ATP1A2: variants seen among roughly 807,000 people sequenced by gnomAD.
ATP1A2 encodes ATPase Na+/K+ transporting subunit alpha 2.
Under a neutral mutation model 113.1 loss-of-function variants are expected in ATP1A2, and 56 were observed. The observed-to-expected ratio is 0.49, with a 90% CI of 0.40 to 0.62. ATP1A2 has a LOEUF of 0.62. ATP1A2 is among the 20% of genes least tolerant of loss of function. ATP1A2 has a pLI of 0.00. For missense variants in ATP1A2, 712 were observed against 1,357.8 expected (o/e 0.52, Z 7.47); for synonymous variants, 490 against 526.8 (o/e 0.93, Z 0.96).
chr1:160,135,160 C>A lies in ATP1A2; in HGVS notation c.1980C>A (p.Cys660Ter). 2.5e-6 allele frequency: 4 copies of A among 1,613,982 alleles called. No homozygotes were observed. Among genetic ancestry groups the A allele is most frequent in the Middle Eastern group, 1.6e-4 (1 of 6,062 alleles). ...CACCCTCCAGAGAAGCCAAGGCATG[C>A]GTGGTGCACGGCTCTGACCTGAAGG... ...SQVNPREAKA[C>*]VVHGSDLKDM... Residue 660 changes from cysteine (C) to a stop codon, truncating the protein, a stop_gained, in exon 15 of 23, where the codon TGC (cysteine) becomes TGA (stop). Coordinates refer to ENST00000361216, the MANE Select transcript of ATP1A2 (RefSeq NM_000702.4). LOFTEE classifies it high-confidence loss of function. This position sits in a 1 kb window ranked among gnomAD's most constrained non-coding sequence, Gnocchi z 6.3.
chr1:160,123,904 G>A (rs747041450), intron 4 of ATP1A2, 39 bp from the exon 5 acceptor site: 1 of 1,596,902 alleles, frequency 6.3e-7, no homozygotes, highest in Non-Finnish European at 8.6e-7. Context: ...TTAGGGTTGG[G>A]GGGAAGGTCA....
chr1:160,134,643 CT>C (rs1442567827), intron 14 of ATP1A2, 23 bp downstream of exon 14: 18 of 1,614,046 alleles, frequency 1.1e-5, no homozygotes, highest in Non-Finnish European at 1.4e-5. Context: ...CAGGAAGCCC[CT>C]GTGCCCTAAT....
In ATP1A2 at chr1:160,128,640, T is replaced by C. The variant is rs1237489560; in HGVS notation, c.1018-12T>C. 3 of 1,614,064 alleles carry C rather than the reference T, an allele frequency of 1.9e-6. No individual in the cohort carries two copies. The highest frequency in any genetic ancestry group is 1.6e-4 in the Middle Eastern group (1 of 6,084). On this transcript the variant is annotated splice_polypyrimidine_tract_variant and intron_variant, in intron 8 of 22. Coordinates refer to ENST00000361216, the MANE Select transcript of ATP1A2 (RefSeq NM_000702.4). The stretch of plus-strand genomic sequence containing the variant: ...AGCCTTAACCTTTTTTATTCTCCTC[T>C]TTCTCTACCAGGTGTGCCTGACCCT...
In ATP1A2 at chr1:160,116,549, C is replaced by A. The variant is rs1017444806; in HGVS notation, c.12+676C>A. On this transcript the variant is annotated intron_variant, in intron 1 of 22. Transcript: ENST00000361216. ...GAGGCTGGTGACAGGTGACCCCCCC[C>A]CCAGTCCACCCGTCCATGGCATTCT... 8.2e-3 allele frequency among the ~76,000 whole-genome samples: 1,243 copies of A among 152,160 alleles called. 19 individuals are homozygous for A. Among genetic ancestry groups the A allele is most frequent in the African/African-American group, 0.029 (1,191 of 41,510 alleles).
intron 1 of ATP1A2, among the ~76,000 whole-genome samples, chr1:160,120,323 T>G (rs1570982510): frequency 6.6e-6 from 1 of 152,246 alleles, no homozygotes; most frequent in East Asian, 1.9e-4. Context: ...CCATCAGGCC[T>G]GCTCTTTCCA....
chr1:160,126,382 G>T (rs780962440), intron 7 of ATP1A2, among the ~76,000 whole-genome samples: 1 of 152,022 alleles, frequency 6.6e-6, no homozygotes, highest in Non-Finnish European at 1.5e-5. Context: ...TCGATCTGAG[G>T]TTGGTTGAAT....
At chr1:160,119,256 CA>C (rs386368465) in intron 1 of ATP1A2, among the ~76,000 whole-genome samples, 27 of 49,426 alleles carry the variant, frequency 5.5e-4, no homozygotes, top group South Asian at 2.2e-3. Context: ...CATTATCCTG[CA>C]AAAAAAAAAA....
chr1:160,135,399 G>T lies in ATP1A2; in HGVS notation c.2116-35G>T. ...AGGCGAGGAGCCAGGCTTGGGAAGG[G>T]GTTTCGTCCTCAAGTGTGGCCGTCT... On this transcript the variant is annotated intron_variant, in intron 15 of 22. Transcript: ENST00000361216. This position sits in a 1 kb window ranked among gnomAD's most constrained non-coding sequence, Gnocchi z 6.3. 6.2e-7 allele frequency: 1 copy of T among 1,614,150 alleles called. No individual in the cohort carries two copies. Among genetic ancestry groups the T allele is most frequent in the Non-Finnish European group, 8.5e-7 (1 of 1,180,024 alleles).
rs886045419 is a variant in ATP1A2 at position 160,141,442 on chromosome 1, A to G, written c.*120A>G. The G allele has an allele frequency of 5.7e-5, 76 of 1,330,056 alleles. 1 individual carries two copies. Among genetic ancestry groups the G allele is most frequent in the Admixed American group, 1.4e-4 (8 of 56,756 alleles). The allele number at this position is 1,330,056 out of a possible 1,614,324, so 82.4% of individuals were successfully genotyped here. A position where few individuals can be genotyped will look rare whatever the true frequency, so the allele number is the denominator to read the frequency against. Reference sequence around the variant, plus strand: ...TGGGTGGCAACATTTGGGGAGAGATAATGAGGCAACTCAGCAGGCTAAGTT... The same window carrying G: ...TGGGTGGCAACATTTGGGGAGAGATGATGAGGCAACTCAGCAGGCTAAGTT... On this transcript the variant is annotated 3_prime_UTR_variant, in exon 23 of 23. Transcript: ENST00000361216.
At chr1:160,130,687 GC>G (rs1651744620) in intron 13 of ATP1A2, 90 bp downstream of exon 13, 4 of 1,558,484 alleles carry the variant, frequency 2.6e-6, no homozygotes, top group Middle Eastern at 2.1e-4. Flanking sequence ...AAAGGCCCAG[GC>G]CACGGTGGCC....
intron 13 of ATP1A2, among the ~76,000 whole-genome samples, chr1:160,131,900 C>T (rs1300055184): frequency 6.6e-6 from 1 of 152,038 alleles, no homozygotes; most frequent in African/African-American, 2.4e-5. Flanking sequence ...AATAAAACCA[C>T]CAGTAAGTGA....
intron 1 of ATP1A2, among the ~76,000 whole-genome samples, chr1:160,116,718 G>A (rs1651198033): frequency 6.6e-6 from 1 of 152,166 alleles, no homozygotes; most frequent in South Asian, 2.1e-4. Context: ...TCCTTTTGTG[G>A]AATACTGGCA....
chr1:160,130,040 G>A, intron 11 of ATP1A2, 62 bp from the exon 12 acceptor site: 1 of 1,603,614 alleles, frequency 6.2e-7, no homozygotes, highest in South Asian at 1.1e-5. Context: ...ACCAGCTGCT[G>A]CTCTATGCCG....
At position 160,136,984 on chromosome 1, in the gene ATP1A2, C is replaced by T; in HGVS notation, c.2793C>T (p.Leu931=). The T allele has an allele frequency of 6.2e-7, 1 of 1,614,168 alleles. No individual in the cohort carries two copies. The highest frequency in any genetic ancestry group is 8.5e-7 in the Non-Finnish European group (1 of 1,180,020). The change falls in exon 20 of 23, where the codon CTC becomes CTT. Residue 931 remains leucine (L), a synonymous_variant. Coordinates refer to ENST00000361216, the MANE Select transcript of ATP1A2 (RefSeq NM_000702.4). The part of the protein sequence containing the change: ...ASIVVVQWAD[L]IICKTRRNSV... ...TCGTGGTGGTGCAGTGGGCTGACCT[C>T]ATCATCTGCAAGACCCGCCGCAACT...
chr1:160,137,746 G>C (rs1652002307), intron 20 of ATP1A2, among the ~76,000 whole-genome samples: 1 of 148,718 alleles, frequency 6.7e-6, no homozygotes, highest in East Asian at 2.1e-4. Flanking sequence ...TTTCATGCTG[G>C]TTCCTTTTAT....
At chr1:160,127,020 C>T (rs9660705) in intron 7 of ATP1A2, among the ~76,000 whole-genome samples, 3,287 of 151,926 alleles carry the variant, frequency 0.022, 113 homozygotes, top group African/African-American at 0.075. Context: ...GGATTCAAAC[C>T]CAAATTTGGC....
At chr1:160,134,189 A>T (rs1374801414) in intron 13 of ATP1A2, among the ~76,000 whole-genome samples, 9 of 132,304 alleles carry the variant, frequency 6.8e-5, no homozygotes, top group African/African-American at 2.6e-4. Context: ...ATTCCCTCTC[A>T]CACACACACA....
rs1170369117 is a variant in ATP1A2 at position 160,130,687 on chromosome 1, G to A, written c.1827+90G>A. The A allele has an allele frequency of 2.6e-6, 4 of 1,558,484 alleles. No individual in the cohort carries two copies. In the African/African-American group the frequency reaches 4.1e-5, roughly 16 times the overall value. Reference sequence around the variant, plus strand: ...TGGCTGCTGCCCTGGAAAGGCCCAGGCCACGGTGGCCTCCTTCCCACTGAC... The same window carrying A: ...TGGCTGCTGCCCTGGAAAGGCCCAGACCACGGTGGCCTCCTTCCCACTGAC... On this transcript the variant is annotated intron_variant, in intron 13 of 22. Coordinates refer to ENST00000361216, the MANE Select transcript of ATP1A2 (RefSeq NM_000702.4).
chr1:160,116,079 C>T (rs2101980226), intron 1 of ATP1A2, among the ~76,000 whole-genome samples: 1 of 152,164 alleles, frequency 6.6e-6, no homozygotes, highest in East Asian at 1.9e-4. Flanking sequence ...CTCCTCTGCA[C>T]GCCCCAGCCC....
Sources: allele counts gnomAD v4.1 joint callset (sites outside exome capture counted in the v4.1 genomes callset), GRCh38; gene constraint gnomAD v4.1.1; non-coding constraint Gnocchi (gnomAD v3.1); transcripts MANE v1.5; gene names NCBI Gene and HGNC (gene_info 2026-07-23, HGNC 2026-07-21).